Variants in PLD5 observed in about 807,000 individuals in gnomAD.
PLD5 encodes the protein phospholipase D family member 5.
Under a neutral mutation model 61.1 loss-of-function variants are expected in PLD5, and 36 were observed. The ratio of observed to expected loss-of-function variants is 0.59; its 90% confidence interval spans 0.45 to 0.78. The LOEUF (loss-of-function observed/expected upper bound fraction) is 0.78. Among genes scored for constraint, PLD5 ranks in the 30% least tolerant of loss-of-function variants. PLD5 has a pLI of 0.00. For missense variants in PLD5, 515 were observed against 644.4 expected (o/e 0.80, Z 2.17); for synonymous variants, 243 against 242.8 (o/e 1.00, Z -0.01).
chr1:242,229,990 C>T (rs1671199565), intron 4 of PLD5, among the ~76,000 whole-genome samples: 1 of 151,584 alleles, frequency 6.6e-6, no homozygotes, highest in Non-Finnish European at 1.5e-5. Context: ...AGGGGATGTG[C>T]AGCAATGCCT....
intron 1 of PLD5, among the ~76,000 whole-genome samples, chr1:242,498,187 A>T (rs981494083): frequency 2.6e-5 from 4 of 151,930 alleles, no homozygotes; most frequent in Non-Finnish European, 4.4e-5. Flanking sequence ...CTAGCCTCGA[A>T]CTCCTGACCT....
chr1:242,500,831 A>G (rs1364194103), intron 1 of PLD5, among the ~76,000 whole-genome samples: 1 of 151,536 alleles, frequency 6.6e-6, no homozygotes, highest in African/African-American at 2.4e-5. Flanking sequence ...ACCACTGTAG[A>G]ATGTTGATCA....
At chr1:242,110,664 G>T (rs563422268) in intron 7 of PLD5, among the ~76,000 whole-genome samples, 31 of 152,152 alleles carry the variant, frequency 2.0e-4, no homozygotes, top group Admixed American at 1.4e-3. Context: ...ACAAAAATTA[G>T]CTCTGTGTGG....
rs1221063248 is a variant in PLD5 at position 242,393,609 on chromosome 1, T to A, written c.190-45367A>T. Reference sequence around the variant, plus strand: ...ATACATATGTGTATATATATGAGCATATATGTGTATATATATGAGTATATA... The same window carrying A: ...ATACATATGTGTATATATATGAGCAAATATGTGTATATATATGAGTATATA... On this transcript the variant is annotated intron_variant, in intron 1 of 9. Transcript: ENST00000536534. Among the ~76,000 whole-genome samples the A allele has an allele frequency of 2.0e-5, 2 of 100,472 alleles. 1 individual carries two copies. The highest frequency in any genetic ancestry group is 3.8e-5 in the Non-Finnish European group (2 of 52,310). The allele number at this position is 100,472 out of a possible 152,430, so 65.9% of individuals were successfully genotyped here. A position where few individuals can be genotyped will look rare whatever the true frequency, so the allele number is the denominator to read the frequency against.
intron 1 of PLD5, among the ~76,000 whole-genome samples, chr1:242,419,559 C>A (rs71652407): frequency 3.2e-5 from 4 of 124,382 alleles, no homozygotes; most frequent in Non-Finnish European, 4.9e-5. Flanking sequence ...CTACACCCGG[C>A]TAAATTTTTT....
intron 1 of PLD5, among the ~76,000 whole-genome samples, chr1:242,428,724 GA>G (rs5782236): frequency 1.3e-5 from 2 of 150,108 alleles, no homozygotes; most frequent in East Asian, 2.0e-4. Flanking sequence ...AGAAGAAGAA[GA>G]AAAAAAAACC....
At chr1:242,290,950 TC>T (rs1158918093) in intron 2 of PLD5, among the ~76,000 whole-genome samples, 1 of 152,164 alleles carries the variant, frequency 6.6e-6, no homozygotes, top group Middle Eastern at 3.2e-3. Context: ...CCTATGGACC[TC>T]CCCACTGTCT....
At chr1:242,519,932 C>T (rs1423653411) in intron 1 of PLD5, among the ~76,000 whole-genome samples, 1 of 152,198 alleles carries the variant, frequency 6.6e-6, no homozygotes, top group Non-Finnish European at 1.5e-5. Flanking sequence ...CCAGGCAGCA[C>T]ATGAGAAGTC....
chr1:242,337,011 T>C (rs560581359), intron 2 of PLD5, among the ~76,000 whole-genome samples: 1 of 152,256 alleles, frequency 6.6e-6, no homozygotes, highest in South Asian at 2.1e-4. Context: ...TCAAGGCTGC[T>C]TAAATGACCA....
chr1:242,378,091 C>T (rs1662068011), intron 1 of PLD5, among the ~76,000 whole-genome samples: 1 of 152,162 alleles, frequency 6.6e-6, no homozygotes, highest in Non-Finnish European at 1.5e-5. Context: ...GCATTATTTG[C>T]AACAGCCAAA....
chr1:242,247,150 A>T (rs1354760701), intron 4 of PLD5, among the ~76,000 whole-genome samples: 1 of 151,842 alleles, frequency 6.6e-6, no homozygotes, highest in Non-Finnish European at 1.5e-5. Flanking sequence ...TGCCCGGCTA[A>T]TTTTTGTATT....
At chr1:242,494,799 G>T (rs1466507079) in intron 1 of PLD5, among the ~76,000 whole-genome samples, 1 of 151,274 alleles carries the variant, frequency 6.6e-6, no homozygotes, top group Non-Finnish European at 1.5e-5. Context: ...ATAACTCATG[G>T]TCTATATTTT....
chr1:242,181,911 G>A (rs1667546308), intron 5 of PLD5, among the ~76,000 whole-genome samples: 1 of 152,094 alleles, frequency 6.6e-6, no homozygotes, highest in African/African-American at 2.4e-5. Context: ...AAAGTGCTGG[G>A]AAAATACTTC....
intron 4 of PLD5, among the ~76,000 whole-genome samples, chr1:242,238,875 C>T (rs1322081990): frequency 6.6e-6 from 1 of 152,032 alleles, no homozygotes; most frequent in East Asian, 1.9e-4. Flanking sequence ...CGTTAAAGCT[C>T]ACAGAAGGAT....
At chr1:242,450,687 C>A (rs1483361100) in intron 1 of PLD5, among the ~76,000 whole-genome samples, 1 of 152,086 alleles carries the variant, frequency 6.6e-6, no homozygotes, top group Non-Finnish European at 1.5e-5. Flanking sequence ...TAGAAGAGTC[C>A]ATGGCATTTA....
At chr1:242,284,802 C>G (rs2083334) in intron 3 of PLD5, among the ~76,000 whole-genome samples, 98,669 of 151,948 alleles carry the variant, frequency 0.65, 32,233 homozygotes, top group African/African-American at 0.71. Context: ...ACAGGTATGG[C>G]GAGAACTGCA....
In PLD5 at chr1:242,460,580, CTCTA is replaced by C. The variant is rs139765411; in HGVS notation, c.189+63504_189+63507del. ...ATAATAAAGACATCATACTCTTCCT[CTCTA>C]TCTACTGCCTTCTGCTCCTCCCTAT... On this transcript the variant is annotated intron_variant, in intron 1 of 9. Coordinates refer to ENST00000536534, the MANE Select transcript of PLD5 (RefSeq NM_001372062.1). 9.7e-3 allele frequency among the ~76,000 whole-genome samples: 1,479 copies of C among 152,190 alleles called. 30 individuals are homozygous for C. The highest frequency in any genetic ancestry group is 0.034 in the African/African-American group (1,408 of 41,514).
At chr1:242,511,189 A>G (rs1310326369) in intron 1 of PLD5, among the ~76,000 whole-genome samples, 1 of 152,220 alleles carries the variant, frequency 6.6e-6, no homozygotes, top group East Asian at 1.9e-4. Context: ...GAATCATAAA[A>G]GTACCATCGA....
chr1:242,369,584 A>C (rs1661522652), intron 1 of PLD5, among the ~76,000 whole-genome samples: 1 of 152,186 alleles, frequency 6.6e-6, no homozygotes, highest in Non-Finnish European at 1.5e-5. Context: ...ACATAAAACT[A>C]TTGACAGTGG....
Sources: allele counts gnomAD v4.1 joint callset (sites outside exome capture counted in the v4.1 genomes callset), GRCh38; gene constraint gnomAD v4.1.1; transcripts MANE v1.5; gene names NCBI Gene and HGNC (gene_info 2026-07-23, HGNC 2026-07-21).